The following CCNE2 variants were observed in gnomAD, a reference collection of about 807,000 sequenced individuals.
The protein encoded by CCNE2 is cyclin E2.
A neutral mutation model predicts 56.8 loss-of-function variants in CCNE2; 18 were observed. That is an observed-to-expected ratio of 0.32 (90% confidence interval 0.22 to 0.47). CCNE2 has a LOEUF of 0.47. Ranked by LOEUF, CCNE2 falls within the 20% of genes least tolerant of loss-of-function variation. CCNE2 has a pLI of 1.00. For synonymous variants in CCNE2, 139 were observed against 149.2 expected (o/e 0.93, Z 0.50); for missense variants, 371 against 467.1 (o/e 0.79, Z 1.90).
chr8:94,882,267 T>C lies in CCNE2; in HGVS notation c.966A>G (p.Ser322=), dbSNP rs1816849103. 2 of 1,610,416 alleles carry C rather than the reference T, an allele frequency of 1.2e-6. No individual in the cohort carries two copies. Among genetic ancestry groups the C allele is most frequent in the Non-Finnish European group, 1.7e-6 (2 of 1,178,728 alleles). ...KASGLEWDSI[S]ECVDWMVPFV... is the part of the protein sequence containing the mutation. ...AAGGTACCATCCAATCTACACATTCTGAAATACTGTCCCACTCCAAACCTA... is the reference window on the plus strand; with the variant it reads ...AAGGTACCATCCAATCTACACATTCCGAAATACTGTCCCACTCCAAACCTA... The change falls in exon 11 of 12, where the codon TCA becomes TCG. Residue 322 remains serine (S), a synonymous_variant. Transcript: ENST00000308108.
Position 94,890,409 on chromosome 8 carries a change from A to C in CCNE2, c.453+6T>G, listed in dbSNP as rs1403285819. On this transcript the variant is annotated splice_donor_region_variant and intron_variant, in intron 6 of 11. Transcript: ENST00000308108. ...GACAAAGGAAATTTGTATTGCTGTA[A>C]CATACCTCTAAAAGCCAGTCTAGAA... 1.9e-6 allele frequency: 3 copies of C among 1,566,966 alleles called. No individual in the cohort carries two copies. Among genetic ancestry groups the C allele is most frequent in the Non-Finnish European group, 2.6e-6 (3 of 1,159,194 alleles).
intron 5 of CCNE2, among the ~76,000 whole-genome samples, chr8:94,892,538 A>G (rs1278277106): frequency 6.6e-6 from 1 of 152,240 alleles, no homozygotes; most frequent in Non-Finnish European, 1.5e-5. Context: ...AAAGCTGTAC[A>G]TGTAAAAATG....
At chr8:94,889,508 T>C (rs1375254522) in intron 6 of CCNE2, among the ~76,000 whole-genome samples, 1 of 152,190 alleles carries the variant, frequency 6.6e-6, no homozygotes. Context: ...CCCAATGCCT[T>C]CTTGTGCCCA....
rs1365154622 is a variant in CCNE2, at chr8:94,894,127, G to A, written c.15-8C>T. 2 of 1,613,326 alleles carry A rather than the reference G, an allele frequency of 1.2e-6. No homozygotes were observed. The highest frequency in any genetic ancestry group is 1.7e-6 in the Non-Finnish European group (2 of 1,179,548). ...TTAGCTTGTAAACGGCTACTGTAGT[G>A]AATTTTTAAAAAGGAAGTGTAATTA... On this transcript the variant is annotated splice_polypyrimidine_tract_variant and splice_region_variant and intron_variant, in intron 2 of 11. Coordinates refer to ENST00000308108, the MANE Select transcript of CCNE2 (RefSeq NM_057749.3).
chr8:94,883,470 T>C (rs1260017274), intron 9 of CCNE2, among the ~76,000 whole-genome samples: 2 of 152,072 alleles, frequency 1.3e-5, no homozygotes, highest in African/African-American at 2.4e-5. Flanking sequence ...GTTCTAGGTA[T>C]AGGGACATTA....
chr8:94,884,143 A>G (rs934136270), intron 9 of CCNE2, among the ~76,000 whole-genome samples: 11 of 152,212 alleles, frequency 7.2e-5, no homozygotes, highest in African/African-American at 2.7e-4. Context: ...AGTATTCATA[A>G]TGTGCTAGAT....
At chr8:94,884,934 C>T (rs977680170) in intron 9 of CCNE2, 133 bp downstream of exon 9, 22 of 703,274 alleles carry the variant, frequency 3.1e-5, no homozygotes, top group East Asian at 5.5e-5. Flanking sequence ...GAACTTTATG[C>T]GTCAAAAGTT....
rs780312450 is a variant in CCNE2, at chr8:94,890,453, G to T, written c.415C>A (p.Pro139Thr). The T allele has an allele frequency of 1.2e-6, 2 of 1,609,304 alleles. No homozygotes were observed. The highest frequency in any genetic ancestry group is 1.1e-5 in the South Asian group (1 of 90,488). Reference sequence around the variant, plus strand: ...TCTAGAAGTATGGACCTCATCTGTGGTTCCAAGTCAGAATGCAGAACTTCA... The same window carrying T: ...TCTAGAAGTATGGACCTCATCTGTGTTTCCAAGTCAGAATGCAGAACTTCA... Reference protein sequence around the residue: ...HFEVLHSDLEPQMRSILLDWL... With the variant: ...HFEVLHSDLETQMRSILLDWL... The change falls in exon 6 of 12, where the codon CCA becomes ACA. Residue 139 changes from proline (P) to threonine (T), a missense_variant. By Grantham distance (38) the Pro-to-Thr change is conservative. Transcript: ENST00000308108.
upstream of CCNE2, among the ~76,000 whole-genome samples, chr8:94,896,215 T>C (rs1334942739): frequency 6.7e-6 from 1 of 148,738 alleles, no homozygotes; most frequent in Admixed American, 6.6e-5. Context: ...CCTGGCCGGG[T>C]GGGAAGAAAG....
In CCNE2 at chr8:94,885,219, A is replaced by T. The variant is rs748551159; in HGVS notation, c.697-18T>A. 3 of 1,611,260 alleles carry T rather than the reference A, an allele frequency of 1.9e-6. No homozygotes were observed. In the East Asian group the frequency reaches 6.7e-5, roughly 36 times the overall value. ...TTTAAAGCCTATTAAACAAAATTTA[A>T]AAATGCCTGTTAATGAATGTAGACA... On this transcript the variant is annotated intron_variant, in intron 8 of 11. Coordinates refer to ENST00000308108, the MANE Select transcript of CCNE2 (RefSeq NM_057749.3).
intron 5 of CCNE2, chr8:94,892,136 A>C (rs74963946): frequency 1.8e-6 from 1 of 562,262 alleles, no homozygotes; most frequent in African/African-American, 1.9e-5. Context: ...TGCAATTAAA[A>C]GTGAAAAAAA....
At chr8:94,889,020 C>T (rs879120617) in intron 6 of CCNE2, among the ~76,000 whole-genome samples, 1 of 151,992 alleles carries the variant, frequency 6.6e-6, no homozygotes, top group African/African-American at 2.4e-5. Context: ...TGGTGGCCTG[C>T]GCCTGTAATC....
upstream of CCNE2, chr8:94,896,607 G>T (rs979237315): frequency 6.6e-6 from 1 of 152,090 alleles, no homozygotes; most frequent in African/African-American, 2.4e-5. Context: ...TAGCTCGGGC[G>T]GGCCGCGTCT....
At chr8:94,896,280 C>A (rs1269909176), upstream of CCNE2, among the ~76,000 whole-genome samples, 2 of 148,690 alleles carry the variant, frequency 1.3e-5, no homozygotes, top group East Asian at 3.9e-4. Flanking sequence ...CCCGCCGCCG[C>A]CGCCAGCGCG....
chr8:94,886,513 C>T (rs771668626), intron 7 of CCNE2, among the ~76,000 whole-genome samples: 30 of 152,086 alleles, frequency 2.0e-4, no homozygotes, highest in African/African-American at 2.4e-5. Flanking sequence ...TTAAGACCAG[C>T]GTGAGCAACA....
At chr8:94,889,592 G>A (rs1341616845) in intron 6 of CCNE2, among the ~76,000 whole-genome samples, 4 of 152,132 alleles carry the variant, frequency 2.6e-5, no homozygotes, top group Non-Finnish European at 5.9e-5. Context: ...TAACATTTTA[G>A]TCTTAAAAAC....
intron 6 of CCNE2, among the ~76,000 whole-genome samples, chr8:94,890,072 G>C (rs1817174531): frequency 1.3e-5 from 2 of 152,138 alleles, no homozygotes; most frequent in Non-Finnish European, 2.9e-5. Context: ...CTGAAGCCTA[G>C]TTCTAGTTCT....
At chr8:94,886,484 A>C (rs528031115) in intron 7 of CCNE2, among the ~76,000 whole-genome samples, 2 of 152,324 alleles carry the variant, frequency 1.3e-5, no homozygotes, top group South Asian at 4.1e-4. Flanking sequence ...AGGTAGGAGG[A>C]TCACCTGAGC....
At chr8:94,890,238 TTTACTC>T (rs1238761155) in intron 6 of CCNE2, among the ~76,000 whole-genome samples, 171 bp downstream of exon 6, 6 of 152,330 alleles carry the variant, frequency 3.9e-5, no homozygotes, top group African/African-American at 1.4e-4. Flanking sequence ...TTGTCATGGT[TTTACTC>T]TTATAGAGTC....
Sources: gnomAD v4.1 joint callset for allele counts (sites outside exome capture counted in the v4.1 genomes callset) on GRCh38, gnomAD v4.1.1 for gene constraint, MANE v1.5 for transcripts, NCBI Gene and HGNC (gene_info 2026-07-23, HGNC 2026-07-21) for gene names.